Variants in PARP4 observed in about 807,000 individuals in gnomAD.
PARP4 encodes the protein protein mono-ADP-ribosyltransferase PARP4.
A neutral mutation model predicts 187.7 loss-of-function variants in PARP4; 120 were observed. The observed-to-expected ratio is 0.64, with a 90% CI of 0.55 to 0.74. The LOEUF (loss-of-function observed/expected upper bound fraction) is 0.74. Among genes scored for constraint, PARP4 ranks in the 30% least tolerant of loss-of-function variants. PARP4 has a pLI of 0.00. For synonymous variants in PARP4, 654 were observed against 740.9 expected (o/e 0.88, Z 1.90); for missense variants, 1,836 against 2,070.5 (o/e 0.89, Z 2.20).
chr13:24,463,168 C>G (rs1186415438), intron 17 of PARP4, among the ~76,000 whole-genome samples: 1 of 152,084 alleles, frequency 6.6e-6, no homozygotes, highest in Non-Finnish European at 1.5e-5. Flanking sequence ...AGATGAACAA[C>G]ACAAGAATTA....
intron 5 of PARP4, 24 bp from the exon 6 acceptor site, chr13:24,498,253 GA>G (rs1429650196): frequency 6.7e-7 from 1 of 1,481,676 alleles, no homozygotes; most frequent in East Asian, 2.3e-5. Flanking sequence ...TGTGCTTTCA[GA>G]AGCTGCACTC....
At chr13:24,468,910 G>A (rs1423774300) in intron 17 of PARP4, 114 bp downstream of exon 17, 4 of 756,454 alleles carry the variant, frequency 5.3e-6, no homozygotes, top group Non-Finnish European at 4.4e-6. Flanking sequence ...TGGAACTCTG[G>A]GGCCTACAAC....
chr13:24,492,312 C>G (rs1868700298), intron 9 of PARP4, 109 bp downstream of exon 9: 1 of 731,218 alleles, frequency 1.4e-6, no homozygotes, highest in Non-Finnish European at 2.2e-6. Context: ...TCTAGTACAA[C>G]TCTGGAGACA....
chr13:24,422,567 T>A (rs1593578435), intron 33 of PARP4, among the ~76,000 whole-genome samples: 4 of 152,066 alleles, frequency 2.6e-5, no homozygotes, highest in Non-Finnish European at 5.9e-5. Flanking sequence ...AAATAGAAAA[T>A]ATAGAACAAA....
At chr13:24,443,106 C>T (rs1871028094) in intron 28 of PARP4, among the ~76,000 whole-genome samples, 1 of 150,764 alleles carries the variant, frequency 6.6e-6, no homozygotes, top group African/African-American at 2.4e-5. Context: ...TCTCCAGGGC[C>T]TGCTGTCACC....
At position 24,446,707 on chromosome 13, in the gene PARP4, T is replaced by C; in HGVS notation, c.3340A>G (p.Thr1114Ala). ...GTTCCAGTTGTCTTCTGAAGCTCAGTAGTCGACACCATTGTACGAAATTCT... is the reference window on the plus strand; with the variant it reads ...GTTCCAGTTGTCTTCTGAAGCTCAGCAGTCGACACCATTGTACGAAATTCT... ...EKEFRTMVST[T>A]ELQKTTGTMI... Residue 1114 changes from threonine to alanine, a missense_variant, in exon 27 of 34, where the codon ACT (threonine) becomes GCT (alanine). Around this residue, in one of 8 missense-constraint regions of PARP4, gnomAD observed 56 missense variants for 56.6 expected, o/e 0.99. Transcript: ENST00000381989. 1 of 1,598,774 alleles carries C rather than the reference T, an allele frequency of 6.3e-7. No individual in the cohort carries two copies. Among genetic ancestry groups the C allele is most frequent in the Admixed American group, 1.7e-5 (1 of 59,908 alleles).
chr13:24,482,191 C>T (rs1465354947), intron 12 of PARP4, among the ~76,000 whole-genome samples: 1 of 152,174 alleles, frequency 6.6e-6, no homozygotes, highest in African/African-American at 2.4e-5. Context: ...ATCTCATGAT[C>T]AAACTTGAAA....
chr13:24,505,920 G>A (rs555988749), intron 1 of PARP4, among the ~76,000 whole-genome samples: 2 of 152,318 alleles, frequency 1.3e-5, no homozygotes, highest in South Asian at 4.1e-4. Flanking sequence ...CGCGTCTTGG[G>A]ACTAAGCTGA....
chr13:24,505,884 C>A (rs983081592), intron 1 of PARP4, among the ~76,000 whole-genome samples: 4 of 152,232 alleles, frequency 2.6e-5, no homozygotes, highest in Non-Finnish European at 4.4e-5. Context: ...CTTGGGCAGG[C>A]AGGTCAGGTT....
chr13:24,433,710 T>C (rs553619192), intron 31 of PARP4, among the ~76,000 whole-genome samples: 6 of 151,600 alleles, frequency 4.0e-5, no homozygotes, highest in Non-Finnish European at 8.8e-5. Flanking sequence ...CTCCACTATA[T>C]GGATGAGGAA....
chr13:24,496,543 A>G (rs932791252), intron 6 of PARP4, among the ~76,000 whole-genome samples: 1 of 152,186 alleles, frequency 6.6e-6, no homozygotes, highest in African/African-American at 2.4e-5. Context: ...AGACAATGCT[A>G]CAAGAGCTAT....
chr13:24,507,298 G>A (rs773184308), intron 1 of PARP4, among the ~76,000 whole-genome samples: 25 of 152,354 alleles, frequency 1.6e-4, no homozygotes, highest in Admixed American at 3.3e-4. Flanking sequence ...GAGAGCCAGC[G>A]AGGGCTGCAA....
chr13:24,476,238 C>T (rs1019825836), intron 14 of PARP4, among the ~76,000 whole-genome samples: 1 of 151,838 alleles, frequency 6.6e-6, no homozygotes, highest in Non-Finnish European at 1.5e-5. Context: ...CTTAGCCTCT[C>T]GAGTAGCTGC....
intron 32 of PARP4, among the ~76,000 whole-genome samples, chr13:24,430,075 G>T (rs966424722): frequency 2.0e-5 from 3 of 152,194 alleles, no homozygotes; most frequent in Admixed American, 6.5e-5. Flanking sequence ...TCAAAGAATG[G>T]TTTTAAATAT....
chr13:24,505,139 GAC>G (rs141835469), intron 1 of PARP4, among the ~76,000 whole-genome samples: 4 of 150,044 alleles, frequency 2.7e-5, no homozygotes, highest in African/African-American at 9.8e-5. Flanking sequence ...GTTAAAGAAA[GAC>G]ACACACACAC....
At chr13:24,466,736 T>G (rs919522605) in intron 17 of PARP4, among the ~76,000 whole-genome samples, 6 of 146,742 alleles carry the variant, frequency 4.1e-5, no homozygotes, top group African/African-American at 1.3e-4. Context: ...AGAGGTTAGG[T>G]TGCAGTGAGC....
intron 10 of PARP4, among the ~76,000 whole-genome samples, chr13:24,489,517 G>A (rs1434767535): frequency 6.6e-6 from 1 of 152,186 alleles, no homozygotes; most frequent in Non-Finnish European, 1.5e-5. Context: ...GCTGAGGCAG[G>A]AGAATGGCGT....
At position 24,455,212 on chromosome 13, in the gene PARP4, C is replaced by A; in HGVS notation, c.2563G>T (p.Ala855Ser). The change falls in exon 22 of 34, where the codon GCT becomes TCT. Residue 855 changes from alanine (A) to serine (S), a missense_variant and splice_region_variant. Around this residue, in one of 8 missense-constraint regions of PARP4, gnomAD observed 1,147 missense variants for 1,214.2 expected, o/e 0.94. Transcript: ENST00000381989. ...TCGGGTTGAAAGACAAGCATGCAAG[C>A]CTGAAAGGAGAAAGAAGGTGCTGGA... Reference protein sequence around the residue: ...VEKHPEKESEACMLVFQPDLD... With the variant: ...VEKHPEKESESCMLVFQPDLD... 5 of 1,574,912 alleles carry A rather than the reference C, an allele frequency of 3.2e-6. No individual in the cohort carries two copies. Among genetic ancestry groups the A allele is most frequent in the Non-Finnish European group, 3.5e-6 (4 of 1,150,638 alleles).
chr13:24,495,611 C>T (rs1190525916), intron 6 of PARP4, among the ~76,000 whole-genome samples: 1 of 152,122 alleles, frequency 6.6e-6, no homozygotes, highest in Non-Finnish European at 1.5e-5. Context: ...ACATTAACCC[C>T]AGGAAAATCT....
Sources: allele counts gnomAD v4.1 joint callset (sites outside exome capture counted in the v4.1 genomes callset), GRCh38; gene constraint gnomAD v4.1.1; regional missense constraint gnomAD v4.1.1; transcripts MANE v1.5; gene names NCBI Gene and HGNC (gene_info 2026-07-23, HGNC 2026-07-21).